The following FAM177B variants were observed in gnomAD, a reference collection of about 807,000 sequenced individuals.
The protein encoded by FAM177B is protein FAM177B.
FAM177B carries 16 observed loss-of-function variants against 16.1 expected under a neutral mutation model. The observed-to-expected ratio is 0.99, with a 90% CI of 0.67 to 1.51. FAM177B has a LOEUF of 1.51. FAM177B is among the 40% of genes most tolerant of loss of function. FAM177B has a pLI of 0.00. For missense variants in FAM177B, 178 were observed against 183.7 expected (o/e 0.97, Z 0.18); for synonymous variants, 56 against 59.9 (o/e 0.93, Z 0.30).
At chr1:222,741,057 CTTTT>C (rs369907456) in intron 2 of FAM177B, among the ~76,000 whole-genome samples, 6 of 82,184 alleles carry the variant, frequency 7.3e-5, no homozygotes, top group Non-Finnish European at 1.1e-4. Flanking sequence ...TTTTTGTTTT[CTTTT>C]TTTTTTTTTT....
At chr1:222,747,983 T>A (rs950072709) in intron 4 of FAM177B, among the ~76,000 whole-genome samples, 1 of 152,180 alleles carries the variant, frequency 6.6e-6, no homozygotes, top group African/African-American at 2.4e-5. Context: ...TGCTGACATG[T>A]GGGGGAGACC....
At chr1:222,739,347 C>A (rs894380025) in intron 2 of FAM177B, among the ~76,000 whole-genome samples, 2 of 152,162 alleles carry the variant, frequency 1.3e-5, no homozygotes, top group Admixed American at 6.5e-5. Context: ...CTGCAATACA[C>A]CAAATCCCTA....
At chr1:222,746,989 TC>T (rs1371109424) in intron 3 of FAM177B, 25 bp from the exon 4 acceptor site, 1 of 1,501,146 alleles carries the variant, frequency 6.7e-7, no homozygotes, top group South Asian at 1.1e-5. Context: ...TATTAACTAC[TC>T]TATCTCAATT....
intron 2 of FAM177B, among the ~76,000 whole-genome samples, chr1:222,740,369 A>C (rs1658466778): frequency 6.6e-6 from 1 of 152,118 alleles, no homozygotes; most frequent in African/African-American, 2.4e-5. Flanking sequence ...ATTTATTATG[A>C]TTATTGACTT....
Position 222,748,867 on chromosome 1 carries a change from C to A in FAM177B, c.242-598C>A, listed in dbSNP as rs1187526206. On this transcript the variant is annotated intron_variant, in intron 4 of 5. Coordinates refer to ENST00000445590, the MANE Select transcript of FAM177B (RefSeq NM_001394345.1). ...GGGTAAGAGAAGGCTGTCGGAAATC[C>A]TCTAATTGTAAAGGAAAACTTTTCT... 1.4e-5 allele frequency: 5 copies of A among 352,330 alleles called. No individual in the cohort carries two copies. In the Admixed American group the frequency reaches 1.7e-4, roughly 12 times the overall value. 21.8% of individuals were successfully genotyped at this position (352,330 alleles called of 1,614,324 possible).
Position 222,749,494 on chromosome 1 carries a change from G to T in FAM177B, c.271G>T (p.Val91Phe), listed in dbSNP as rs756926579. The stretch of plus-strand genomic sequence containing the variant: ...TGAATTCCTTGGTGGAAGATTTGCT[G>T]TCTTCTTTGGTCTTACTCAACCCAA... ...TCEFLGGRFA[V>F]FFGLTQPKYQ... The change falls in exon 5 of 6, where the codon GTC becomes TTC. Residue 91 changes from valine to phenylalanine, a missense_variant. Val to Phe is a conservative substitution (Grantham distance 50, BLOSUM62 -1). Coordinates refer to ENST00000445590, the MANE Select transcript of FAM177B (RefSeq NM_001394345.1). 3.7e-6 allele frequency: 6 copies of T among 1,609,760 alleles called. No individual in the cohort carries two copies. Among genetic ancestry groups the T allele is most frequent in the Non-Finnish European group, 3.4e-6 (4 of 1,177,450 alleles).
At chr1:222,747,515 A>T (rs1294659316) in intron 4 of FAM177B, 2 of 160,246 alleles carry the variant, frequency 1.2e-5, no homozygotes, top group African/African-American at 4.8e-5. Flanking sequence ...TAACTGCTTT[A>T]TTATAAACAT....
At chr1:222,745,917 A>T (rs1425332050) in intron 2 of FAM177B, among the ~76,000 whole-genome samples, 4 of 152,022 alleles carry the variant, frequency 2.6e-5, no homozygotes, top group Non-Finnish European at 5.9e-5. Context: ...AGTCTGTTTC[A>T]AAAAAAAGAA....
In FAM177B at chr1:222,750,805, CA is replaced by C. The variant is rs67590420; in HGVS notation, c.*761del. The C allele has an allele frequency of 0.61, 86,867 of 143,364 alleles. 27,034 individuals carry two copies. The highest frequency in any genetic ancestry group is 0.79 in the East Asian group (3,874 of 4,924). 8.9% of individuals were successfully genotyped at this position (143,364 alleles called of 1,614,324 possible). ...GATACATTAATAGCAAAAAACAAACCAAAAAAAAAAAAAATGAAAAACACAG... is the reference window on the plus strand; with the variant it reads ...GATACATTAATAGCAAAAAACAAACCAAAAAAAAAAAAATGAAAAACACAG... On this transcript the variant is annotated 3_prime_UTR_variant, in exon 6 of 6. Coordinates refer to ENST00000445590, the MANE Select transcript of FAM177B (RefSeq NM_001394345.1).
At chr1:222,745,791 G>A (rs1414359547) in intron 2 of FAM177B, among the ~76,000 whole-genome samples, 1 of 152,170 alleles carries the variant, frequency 6.6e-6, no homozygotes, top group Non-Finnish European at 1.5e-5. Context: ...GGCGGTGCCT[G>A]TAATCCCAGC....
rs983548278 is a variant in FAM177B at position 222,747,244 on chromosome 1, C to T, written c.241+163C>T. On this transcript the variant is annotated intron_variant, in intron 4 of 5. Coordinates refer to ENST00000445590, the MANE Select transcript of FAM177B (RefSeq NM_001394345.1). ...TCCCAAAGGCACAGAACTTCGCATC[C>T]TCAGGCAGACCCTTCATCTTTTACC... 5.1e-6 allele frequency: 3 copies of T among 588,206 alleles called. No individual in the cohort carries two copies. The African/African-American group carries it at 5.6e-5, about 11-fold the overall frequency. The allele number at this position is 588,206 out of a possible 1,614,324, so 36.4% of individuals were successfully genotyped here.
chr1:222,748,251 C>T (rs1387496730), intron 4 of FAM177B, among the ~76,000 whole-genome samples: 1 of 152,130 alleles, frequency 6.6e-6, no homozygotes, highest in Non-Finnish European at 1.5e-5. Context: ...CCAGAAAGCT[C>T]TCTACACTTC....
Position 222,750,778 on chromosome 1 carries a change from G to T in FAM177B, c.*720G>T. On this transcript the variant is annotated 3_prime_UTR_variant, in exon 6 of 6. Transcript: ENST00000445590. ...ACAGGGTGTGCTGGCCAAAGTAACT[G>T]TGATACATTAATAGCAAAAAACAAA... The T allele has an allele frequency of 1.7e-5, 3 of 177,890 alleles. No individual in the cohort carries two copies. The highest frequency in any genetic ancestry group is 3.2e-5 in the Non-Finnish European group (3 of 93,442). 11.0% of individuals were successfully genotyped at this position (177,890 alleles called of 1,614,324 possible).
rs1659017319 is a variant in FAM177B at position 222,750,789 on chromosome 1, A to G, written c.*731A>G. 6.2e-6 allele frequency: 1 copy of G among 161,714 alleles called. No homozygotes were observed. Among genetic ancestry groups the G allele is most frequent in the African/African-American group, 2.5e-5 (1 of 39,798 alleles). 10.0% of individuals were successfully genotyped at this position (161,714 alleles called of 1,614,324 possible). On this transcript the variant is annotated 3_prime_UTR_variant, in exon 6 of 6. Coordinates refer to ENST00000445590, the MANE Select transcript of FAM177B (RefSeq NM_001394345.1). Reference sequence around the variant, plus strand: ...TGGCCAAAGTAACTGTGATACATTAATAGCAAAAAACAAACCAAAAAAAAA... The same window carrying G: ...TGGCCAAAGTAACTGTGATACATTAGTAGCAAAAAACAAACCAAAAAAAAA...
At chr1:222,749,175 A>G (rs1006469725) in intron 4 of FAM177B, 1 of 408,114 alleles carries the variant, frequency 2.5e-6, no homozygotes, top group African/African-American at 2.1e-5. Flanking sequence ...CTCAGGACCC[A>G]TGCTATACCT....
chr1:222,748,927 G>C (rs1658921601), intron 4 of FAM177B: 2 of 440,396 alleles, frequency 4.5e-6, no homozygotes, highest in Non-Finnish European at 9.3e-6. Context: ...CATTATTCAT[G>C]CTATGCCTTT....
At chr1:222,749,813 C>T (rs1450807399) in intron 5 of FAM177B, 108 bp from the exon 6 acceptor site, 2 of 1,208,772 alleles carry the variant, frequency 1.7e-6, no homozygotes, top group African/African-American at 1.5e-5. Context: ...TGAGAAGGCT[C>T]AGATTGCTTA....
At chr1:222,746,946 A>G in intron 3 of FAM177B, 69 bp from the exon 4 acceptor site, 1 of 1,084,756 alleles carries the variant, frequency 9.2e-7, no homozygotes, top group Non-Finnish European at 1.4e-6. Flanking sequence ...TGAAATCTCT[A>G]CATTAAAACA....
At chr1:222,743,437 C>T (rs1367027141) in intron 2 of FAM177B, among the ~76,000 whole-genome samples, 1 of 152,112 alleles carries the variant, frequency 6.6e-6, no homozygotes, top group Non-Finnish European at 1.5e-5. Flanking sequence ...GGATTACAGG[C>T]GTGAGCCACC....
Sources: allele counts gnomAD v4.1 joint callset (sites outside exome capture counted in the v4.1 genomes callset), GRCh38; gene constraint gnomAD v4.1.1; transcripts MANE v1.5; gene names NCBI Gene and HGNC (gene_info 2026-07-23, HGNC 2026-07-21).